Variants in SH3GL2 observed in about 807,000 individuals in gnomAD.
The protein encoded by SH3GL2 is SH3 domain containing GRB2 like 2, endophilin A1.
In SH3GL2, 24 loss-of-function variants were observed where a neutral mutation model predicts 46.0. The ratio of observed to expected loss-of-function variants is 0.52; its 90% CI spans 0.38 to 0.73. The LOEUF is 0.73. Ranked by LOEUF, SH3GL2 falls within the 30% of genes least tolerant of loss-of-function variation. The pLI, the probability that SH3GL2 is intolerant of heterozygous loss-of-function variation, is 0.00. For missense variants in SH3GL2, 413 were observed against 424.2 expected, an observed-to-expected ratio of 0.97 and a Z score of 0.23; for synonymous variants, 196 against 147.1, an observed-to-expected ratio of 1.33 and a Z score of -2.40.
At chr9:17,790,273 G>A (rs1824085972) in intron 6 of SH3GL2, 1 of 182,232 alleles carries the variant, frequency 5.5e-6, no homozygotes. Context: ...TCTACTAAGT[G>A]AATGCCAGTC....
At chr9:17,598,342 A>G (rs1463040988) in intron 1 of SH3GL2, among the ~76,000 whole-genome samples, 1 of 152,244 alleles carries the variant, frequency 6.6e-6, no homozygotes, top group African/African-American at 2.4e-5. Flanking sequence ...GTCATGGAAC[A>G]TCTCCAGCTG....
In SH3GL2 at chr9:17,606,175, C is replaced by G. The variant is rs149510350; in HGVS notation, c.45+26888C>G. Among the ~76,000 whole-genome samples the G allele has an allele frequency of 9.0e-3, 1,371 of 152,270 alleles. 8 individuals are homozygous for G. Among genetic ancestry groups the G allele is most frequent in the Non-Finnish European group, 0.015 (987 of 68,018 alleles). On this transcript the variant is annotated intron_variant, in intron 1 of 8. Coordinates refer to ENST00000380607, the MANE Select transcript of SH3GL2 (RefSeq NM_003026.5). ...TGGCGTGATCTCAGCTCACTGCAAC[C>G]TCTGCCGCCTGGGTTCAAGCGATTC...
chr9:17,795,651 A>G lies in SH3GL2; in HGVS notation c.967A>G (p.Ile323Val). ...EGDIITLTNQ[I>V]DENWYEGMLH... ...CGATATCATCACACTCACTAACCAA[A>G]TTGATGAGAACTGGTATGAGGGGAT... Residue 323 changes from isoleucine to valine, a missense_variant, in exon 9 of 9, where the codon ATT becomes GTT. Physicochemically the swap from Ile to Val is conservative, Grantham distance 29. Around this residue, in one of 3 missense-constraint regions of SH3GL2, gnomAD observed 248 missense variants for 215.0 expected, o/e 1.15. Coordinates refer to ENST00000380607, the MANE Select transcript of SH3GL2 (RefSeq NM_003026.5). 6.2e-7 allele frequency: 1 copy of G among 1,613,982 alleles called. No individual in the cohort carries two copies. Among genetic ancestry groups the G allele is most frequent in the South Asian group, 1.1e-5 (1 of 91,076 alleles).
chr9:17,649,628 G>C (rs1031694517), intron 1 of SH3GL2, among the ~76,000 whole-genome samples: 1 of 152,118 alleles, frequency 6.6e-6, no homozygotes, highest in Non-Finnish European at 1.5e-5. Flanking sequence ...TTACACAAGG[G>C]AGTTTGCTTT....
intron 2 of SH3GL2, among the ~76,000 whole-genome samples, chr9:17,748,547 TTAGTG>T (rs1249604205): frequency 1.3e-5 from 2 of 152,080 alleles, no homozygotes; most frequent in African/African-American, 2.4e-5. Context: ...TAGGTATTCA[TTAGTG>T]TAGTGTGAGA....
chr9:17,579,926 G>A (rs1017140860), intron 1 of SH3GL2, among the ~76,000 whole-genome samples: 4 of 152,142 alleles, frequency 2.6e-5, no homozygotes, highest in African/African-American at 9.7e-5. Flanking sequence ...ACAGTCTGCG[G>A]GTCTTAAATA....
At chr9:17,678,025 T>A (rs1820659079) in intron 1 of SH3GL2, among the ~76,000 whole-genome samples, 1 of 152,204 alleles carries the variant, frequency 6.6e-6, no homozygotes, top group South Asian at 2.1e-4. Context: ...ATCCAGTCTA[T>A]CATTATTGGA....
chr9:17,586,147 T>A (rs1223048844), intron 1 of SH3GL2, among the ~76,000 whole-genome samples: 1 of 152,218 alleles, frequency 6.6e-6, no homozygotes, highest in African/African-American at 2.4e-5. Flanking sequence ...AATTTCACTA[T>A]TTATAAAGGT....
At chr9:17,616,115 G>C (rs1310408247) in intron 1 of SH3GL2, among the ~76,000 whole-genome samples, 1 of 152,102 alleles carries the variant, frequency 6.6e-6, no homozygotes. Flanking sequence ...TTCTACATCA[G>C]CCTTAATGTT....
intron 1 of SH3GL2, among the ~76,000 whole-genome samples, chr9:17,734,853 G>A (rs1822283741): frequency 6.6e-6 from 1 of 152,112 alleles, no homozygotes; most frequent in African/African-American, 2.4e-5. Flanking sequence ...TTTTTGGTAT[G>A]ATGAAAGCAG....
intron 7 of SH3GL2, among the ~76,000 whole-genome samples, chr9:17,792,251 C>A (rs551582970): frequency 1.3e-5 from 2 of 152,148 alleles, no homozygotes; most frequent in South Asian, 2.1e-4. Context: ...TTTCCTTCGG[C>A]GCAGCCTTAT....
intron 3 of SH3GL2, among the ~76,000 whole-genome samples, chr9:17,783,099 G>T (rs1823859128): frequency 6.6e-6 from 1 of 152,094 alleles, no homozygotes; most frequent in African/African-American, 2.4e-5. Context: ...AGTATCCAGT[G>T]CCTGTTGTGT....
At chr9:17,682,228 A>G (rs1226677238) in intron 1 of SH3GL2, among the ~76,000 whole-genome samples, 2 of 152,198 alleles carry the variant, frequency 1.3e-5, no homozygotes, top group Non-Finnish European at 2.9e-5. Flanking sequence ...CCAAAGGATT[A>G]TAAATCATTC....
chr9:17,679,432 C>T (rs1820706299), intron 1 of SH3GL2, among the ~76,000 whole-genome samples: 1 of 151,944 alleles, frequency 6.6e-6, no homozygotes, highest in African/African-American at 2.4e-5. Flanking sequence ...GGCTGTTTGT[C>T]TGTTTTTGCT....
At chr9:17,582,904 C>T (rs945095654) in intron 1 of SH3GL2, among the ~76,000 whole-genome samples, 3 of 152,204 alleles carry the variant, frequency 2.0e-5, no homozygotes, top group African/African-American at 7.2e-5. Context: ...ATGACATTCT[C>T]CCTGTGTGTG....
intron 1 of SH3GL2, among the ~76,000 whole-genome samples, chr9:17,615,926 G>C (rs1021749873): frequency 8.5e-5 from 13 of 152,086 alleles, no homozygotes; most frequent in South Asian, 2.1e-4. Flanking sequence ...TCTACTGCAT[G>C]ATAGAAAAAT....
At chr9:17,716,158 T>C (rs1187238498) in intron 1 of SH3GL2, among the ~76,000 whole-genome samples, 1 of 152,168 alleles carries the variant, frequency 6.6e-6, no homozygotes, top group Non-Finnish European at 1.5e-5. Flanking sequence ...CAAACAATTG[T>C]ATCATCTGTG....
chr9:17,689,349 A>G (rs1012774622), intron 1 of SH3GL2, among the ~76,000 whole-genome samples: 2 of 152,160 alleles, frequency 1.3e-5, no homozygotes, highest in Non-Finnish European at 2.9e-5. Context: ...CTGTAACAGA[A>G]AAAAATGGCC....
At chr9:17,631,009 A>G (rs1406816274) in intron 1 of SH3GL2, among the ~76,000 whole-genome samples, 2 of 151,820 alleles carry the variant, frequency 1.3e-5, no homozygotes, top group African/African-American at 4.8e-5. Flanking sequence ...ATAAGTAGCA[A>G]TAGATTTAAT....
Sources: gnomAD v4.1 joint callset for allele counts (sites outside exome capture counted in the v4.1 genomes callset) on GRCh38, gnomAD v4.1.1 for gene constraint, gnomAD v4.1.1 regional missense constraint, MANE v1.5 for transcripts, NCBI Gene and HGNC (gene_info 2026-07-23, HGNC 2026-07-21) for gene names.